RAD54L: variants seen among roughly 807,000 people sequenced by gnomAD.
RAD54L encodes the protein RAD54 like.
In RAD54L, 74 loss-of-function variants were observed where a neutral mutation model predicts 91.6. The ratio of observed to expected loss-of-function variants is 0.81; its 90% CI spans 0.67 to 0.98. The LOEUF is 0.98. Ranked by LOEUF, RAD54L falls within the 50% of genes least tolerant of loss-of-function variation. The pLI is 0.00. For synonymous variants in RAD54L, 304 were observed against 349.7 expected (o/e 0.87, Z 1.46); for missense variants, 887 against 945.7 (o/e 0.94, Z 0.81).
chr1:46,269,292 G>A (rs1472694039), intron 9 of RAD54L, among the ~76,000 whole-genome samples: 1 of 150,886 alleles, frequency 6.6e-6, no homozygotes, highest in Non-Finnish European at 1.5e-5. Context: ...CCATTAGTGT[G>A]AATATTCCAA....
intron 10 of RAD54L, among the ~76,000 whole-genome samples, chr1:46,272,000 G>A (rs556820222): frequency 6.3e-5 from 8 of 127,310 alleles, no homozygotes; most frequent in Non-Finnish European, 1.3e-4. Context: ...CCCTGATACA[G>A]ATGTGTTTGA....
chr1:46,266,692 G>A (rs1347254073), intron 8 of RAD54L, among the ~76,000 whole-genome samples: 3 of 152,160 alleles, frequency 2.0e-5, no homozygotes, highest in Non-Finnish European at 1.5e-5. Flanking sequence ...AACACTGATG[G>A]CCCAGACAAG....
chr1:46,248,699 T>C, intron 2 of RAD54L, 101 bp downstream of exon 2: 1 of 1,002,198 alleles, frequency 1.0e-6, no homozygotes, highest in South Asian at 1.4e-5. Flanking sequence ...CAGATGCCTC[T>C]TTTGTATGTT....
intron 16 of RAD54L, among the ~76,000 whole-genome samples, chr1:46,277,013 T>G (rs1660626067): frequency 6.6e-6 from 1 of 152,170 alleles, no homozygotes; most frequent in Non-Finnish European, 1.5e-5. Flanking sequence ...GTCAGGCTGG[T>G]CTCGAACTCC....
At chr1:46,259,080 T>C (rs1331262144) in intron 4 of RAD54L, among the ~76,000 whole-genome samples, 1 of 152,150 alleles carries the variant, frequency 6.6e-6, no homozygotes, top group African/African-American at 2.4e-5. Flanking sequence ...GTGGGAGGCC[T>C]GGATTCTATA....
chr1:46,248,273 T>C lies in RAD54L; in HGVS notation c.-133T>C, dbSNP rs1659702896. The C allele has an allele frequency of 5.8e-6, 7 of 1,199,894 alleles. No individual in the cohort carries two copies. The highest frequency in any genetic ancestry group is 3.0e-5 in the African/African-American group (2 of 66,940). The allele number at this position is 1,199,894 out of a possible 1,614,324, so 74.3% of individuals were successfully genotyped here. On this transcript the variant is annotated 5_prime_UTR_variant, in exon 1 of 18. Coordinates refer to ENST00000371975, the MANE Select transcript of RAD54L (RefSeq NM_003579.4). ...GGATTCCCGCCATCCATGCCCCCTC[T>C]TTAATTAGCCGGTCCTCTCAATAAT...
intron 3 of RAD54L, among the ~76,000 whole-genome samples, chr1:46,254,852 G>T (rs994757655): frequency 2.0e-5 from 3 of 152,180 alleles, no homozygotes; most frequent in African/African-American, 4.8e-5. Context: ...CTCCCAGAGT[G>T]CTGGGATTAC....
chr1:46,259,610 T>G (rs1279436794), intron 4 of RAD54L, among the ~76,000 whole-genome samples: 1 of 151,370 alleles, frequency 6.6e-6, no homozygotes, highest in Non-Finnish European at 1.5e-5. Context: ...CTGTCTCTAC[T>G]AAAAAAAATA....
chr1:46,264,431 T>C (rs1660211815), intron 8 of RAD54L, among the ~76,000 whole-genome samples: 1 of 152,236 alleles, frequency 6.6e-6, no homozygotes, highest in African/African-American at 2.4e-5. Context: ...CATAATAACT[T>C]CTATGTACAA....
At chr1:46,261,473 A>T (rs950980760) in intron 8 of RAD54L, 88 bp downstream of exon 8, 3 of 1,520,436 alleles carry the variant, frequency 2.0e-6, no homozygotes, top group East Asian at 2.3e-5. Flanking sequence ...TGTGCTAGTC[A>T]CTGGGGAATG....
rs558171465 is a variant in RAD54L, at chr1:46,253,106, A to G, written c.210+2987A>G. ...ATACTTGCGTATAGGAAAATTCAGA[A>G]AAGTATAGTTAATGGGTAGAATCTG... On this transcript the variant is annotated intron_variant, in intron 3 of 17. Coordinates refer to ENST00000371975, the MANE Select transcript of RAD54L (RefSeq NM_003579.4). Among the ~76,000 whole-genome samples, 18 of 152,262 alleles carry G rather than the reference A, an allele frequency of 1.2e-4. No individual in the cohort carries two copies. The South Asian group carries it at 3.5e-3, about 30-fold the overall frequency.
At chr1:46,270,596 A>C in intron 9 of RAD54L, 63 bp from the exon 10 acceptor site, 2 of 1,605,354 alleles carry the variant, frequency 1.2e-6, no homozygotes, top group Non-Finnish European at 1.7e-6. Context: ...GTCTGCCATC[A>C]CTAGCTGTGG....
At chr1:46,267,400 A>G in intron 8 of RAD54L, 59 bp from the exon 9 acceptor site, 1 of 1,609,810 alleles carries the variant, frequency 6.2e-7, no homozygotes, top group African/African-American at 1.3e-5. Context: ...TGTCTACATG[A>G]GACTTTGCTA....
chr1:46,260,281 T>TCCTCATC (rs1660072688), intron 5 of RAD54L, among the ~76,000 whole-genome samples, 182 bp downstream of exon 5: 1 of 152,102 alleles, frequency 6.6e-6, no homozygotes, highest in Non-Finnish European at 1.5e-5. Context: ...GAGTGGGCAT[T>TCCTCATC]CCTCATCCCC....
chr1:46,255,141 C>T (rs1049528083), intron 3 of RAD54L, among the ~76,000 whole-genome samples: 9 of 152,042 alleles, frequency 5.9e-5, no homozygotes, highest in Non-Finnish European at 7.4e-5. Flanking sequence ...AGAAGGGGAG[C>T]TATATAACTT....
intron 8 of RAD54L, among the ~76,000 whole-genome samples, chr1:46,262,387 A>G (rs1001336663): frequency 3.9e-5 from 6 of 152,134 alleles, no homozygotes; most frequent in African/African-American, 1.4e-4. Context: ...AGCCTGGGTG[A>G]CAGAGCAAGA....
rs118091259 is a variant in RAD54L at position 46,273,792 on chromosome 1, C to T, written c.1610+45C>T. 1.1e-3 allele frequency: 1,763 copies of T among 1,562,728 alleles called. 15 individuals carry two copies. The East Asian group carries it at 0.02, about 17-fold the overall frequency. On this transcript the variant is annotated intron_variant, in intron 14 of 17. Coordinates refer to ENST00000371975, the MANE Select transcript of RAD54L (RefSeq NM_003579.4). Reference sequence around the variant, plus strand: ...GGATGCCAAAGGGGGATATACCCCTCCCCTACTGTCTGTCTAGTTCTGATT... The same window carrying T: ...GGATGCCAAAGGGGGATATACCCCTTCCCTACTGTCTGTCTAGTTCTGATT...
rs1342846068 is a variant in RAD54L, at chr1:46,278,096, C to T, written c.2058C>T (p.Asn686=). 1 of 1,614,074 alleles carries T rather than the reference C, an allele frequency of 6.2e-7. No individual in the cohort carries two copies. The highest frequency in any genetic ancestry group is 1.6e-4 in the Middle Eastern group (1 of 6,062). The change falls in exon 18 of 18, where the codon AAC becomes AAT. Residue 686 remains asparagine (N), a synonymous_variant. Transcript: ENST00000371975. ...HDRLHCRRCV[N]SRQIRPPPDG... is the part of the protein sequence containing the mutation. The stretch of plus-strand genomic sequence containing the variant: ...GGTTGCACTGCCGACGTTGTGTCAA[C>T]AGCCGTCAGATCCGGCCACCCCCTG...
chr1:46,270,085 A>T (rs1437719862), intron 9 of RAD54L, among the ~76,000 whole-genome samples: 1 of 150,468 alleles, frequency 6.6e-6, no homozygotes, highest in Non-Finnish European at 1.5e-5. Context: ...AAAAAAAAAA[A>T]TTGGCCGGGC....
Sources: gnomAD v4.1 joint callset for allele counts (sites outside exome capture counted in the v4.1 genomes callset) on GRCh38, gnomAD v4.1.1 for gene constraint, MANE v1.5 for transcripts, NCBI Gene and HGNC (gene_info 2026-07-23, HGNC 2026-07-21) for gene names.